RAB7A: variants seen among roughly 807,000 people sequenced by gnomAD.
RAB7A encodes the protein ras-related protein Rab-7a.
Under a neutral mutation model 24.5 loss-of-function variants are expected in RAB7A, and 2 were observed. That is an observed-to-expected ratio of 0.08 (90% CI 0.03 to 0.26). The LOEUF (loss-of-function observed/expected upper bound fraction) is 0.26. RAB7A is among the 10% of genes least tolerant of loss of function. The pLI is 1.00. For missense variants in RAB7A, 118 were observed against 255.7 expected, an observed-to-expected ratio of 0.46 and a Z score of 3.67; for synonymous variants, 100 against 95.9, an observed-to-expected ratio of 1.04 and a Z score of -0.25.
At position 128,760,495 on chromosome 3, in the gene RAB7A, C is replaced by T. The variant is rs536619672; in HGVS notation, c.-9+34136C>T. ...TATCTTGGAGGATTCTTATATTGAT[C>T]CTTCCCATATCTCTGTTTCAGAAAC... On this transcript the variant is annotated intron_variant, in intron 1 of 5. Transcript: ENST00000265062. Among the ~76,000 whole-genome samples the T allele has an allele frequency of 2.6e-5, 4 of 152,270 alleles. No individual in the cohort carries two copies. In the East Asian group the frequency reaches 7.7e-4, roughly 29 times the overall value.
intron 1 of RAB7A, among the ~76,000 whole-genome samples, chr3:128,747,394 C>G (rs2070628804): frequency 6.6e-6 from 1 of 151,644 alleles, no homozygotes; most frequent in African/African-American, 2.4e-5. Flanking sequence ...CAAGACCAGC[C>G]TGACCAACAT....
intron 1 of RAB7A, among the ~76,000 whole-genome samples, chr3:128,775,489 CTG>C (rs1362114305): frequency 7.0e-6 from 1 of 143,230 alleles, no homozygotes; most frequent in African/African-American, 2.4e-5. Context: ...TTTGAGAACT[CTG>C]GGGCTTGTAT....
chr3:128,746,178 C>T (rs2070612584), intron 1 of RAB7A, among the ~76,000 whole-genome samples: 1 of 152,184 alleles, frequency 6.6e-6, no homozygotes, highest in African/African-American at 2.4e-5. Context: ...GATAAACAAC[C>T]CTCCATTATT....
At chr3:128,786,387 C>T (rs572649093) in intron 1 of RAB7A, among the ~76,000 whole-genome samples, 2 of 152,012 alleles carry the variant, frequency 1.3e-5, no homozygotes, top group African/African-American at 4.8e-5. Context: ...ACTTTCGATG[C>T]CTTTCTGGTC....
chr3:128,814,308 C>A lies in RAB7A; in HGVS notation c.*886C>A, dbSNP rs1293315622. 6.5e-6 allele frequency: 1 copy of A among 152,724 alleles called. No individual in the cohort carries two copies. Among genetic ancestry groups the A allele is most frequent in the Non-Finnish European group, 1.5e-5 (1 of 68,062 alleles). The allele number at this position is 152,724 out of a possible 1,614,324, so 9.5% of individuals were successfully genotyped here. On this transcript the variant is annotated 3_prime_UTR_variant, in exon 6 of 6. Transcript: ENST00000265062. ...CTCCAGGGGGAAAACTGTCTAGTTC[C>A]CTTCTGTGTCTAAATTTTCCAAAAC...
At chr3:128,745,233 G>T (rs1383218980) in intron 1 of RAB7A, among the ~76,000 whole-genome samples, 2 of 152,116 alleles carry the variant, frequency 1.3e-5, no homozygotes, top group Admixed American at 1.3e-4. Context: ...TCTACCTGTT[G>T]CCTAAACTAG....
At chr3:128,738,728 T>C (rs2070517794) in intron 1 of RAB7A, among the ~76,000 whole-genome samples, 1 of 152,246 alleles carries the variant, frequency 6.6e-6, no homozygotes, top group Non-Finnish European at 1.5e-5. Context: ...TTTACCTGTT[T>C]TTCCCCAAAT....
At chr3:128,765,073 G>GCT in intron 1 of RAB7A, 1 of 994,852 alleles carries the variant, frequency 1.0e-6, no homozygotes. Context: ...AGCGGCGGCG[G>GCT]GGGCCTTGGG....
At chr3:128,792,020 A>G (rs911388316) in intron 1 of RAB7A, among the ~76,000 whole-genome samples, 3 of 152,170 alleles carry the variant, frequency 2.0e-5, no homozygotes, top group African/African-American at 7.2e-5. Flanking sequence ...TATCTCAAGG[A>G]AGTAATCCCA....
intron 1 of RAB7A, among the ~76,000 whole-genome samples, chr3:128,768,218 A>T (rs1411877135): frequency 6.6e-6 from 1 of 152,094 alleles, no homozygotes; most frequent in Non-Finnish European, 1.5e-5. Context: ...ATCTGGCCTC[A>T]TTCGACATTA....
Position 128,796,635 on chromosome 3 carries a change from C to A in RAB7A, c.53+1215C>A, listed in dbSNP as rs1559794993. Among the ~76,000 whole-genome samples the A allele has an allele frequency of 3.9e-5, 6 of 152,280 alleles. No individual in the cohort carries two copies. The South Asian group carries it at 1.2e-3, about 32-fold the overall frequency. ...AAAGCCAGAGGTTTTTCTGTCTTGACTGGCTTATTTGAATCACCTGCAGAA... is the reference window on the plus strand; with the variant it reads ...AAAGCCAGAGGTTTTTCTGTCTTGAATGGCTTATTTGAATCACCTGCAGAA... On this transcript the variant is annotated intron_variant, in intron 2 of 5. Coordinates refer to ENST00000265062, the MANE Select transcript of RAB7A (RefSeq NM_004637.6).
rs147244704 is a variant in RAB7A at position 128,813,651 on chromosome 3, C to G, written c.*229C>G. ...ACGTAATCAAACTCCAGCCCTTGCC[C>G]GTGATGGCTCCTTGGGGTCTGCCTG... On this transcript the variant is annotated 3_prime_UTR_variant, in exon 6 of 6. Coordinates refer to ENST00000265062, the MANE Select transcript of RAB7A (RefSeq NM_004637.6). The G allele has an allele frequency of 7.1e-6, 4 of 564,308 alleles. No individual in the cohort carries two copies. Among genetic ancestry groups the G allele is most frequent in the Admixed American group, 2.5e-5 (1 of 39,962 alleles). 35.0% of individuals were successfully genotyped at this position (564,308 alleles called of 1,614,324 possible).
chr3:128,728,642 A>G, intron 1 of RAB7A, among the ~76,000 whole-genome samples: 1 of 152,014 alleles, frequency 6.6e-6, no homozygotes, highest in East Asian at 1.9e-4. Flanking sequence ...TTGTATTTTT[A>G]GTAGAGACAG....
At chr3:128,743,123 G>C (rs1415177140) in intron 1 of RAB7A, among the ~76,000 whole-genome samples, 2 of 152,230 alleles carry the variant, frequency 1.3e-5, no homozygotes, top group Non-Finnish European at 2.9e-5. Flanking sequence ...TGGGCTGGCG[G>C]TGCTGGGGGA....
At chr3:128,751,819 CG>C (rs1286579427) in intron 1 of RAB7A, among the ~76,000 whole-genome samples, 1 of 152,136 alleles carries the variant, frequency 6.6e-6, no homozygotes, top group Non-Finnish European at 1.5e-5. Flanking sequence ...GAATTCCCAT[CG>C]GTTATGGGAG....
intron 1 of RAB7A, among the ~76,000 whole-genome samples, chr3:128,752,329 A>G (rs776740657): frequency 3.3e-5 from 5 of 152,200 alleles, no homozygotes; most frequent in Non-Finnish European, 7.3e-5. Context: ...GAGAAAAACA[A>G]CAAAGGAAGT....
At chr3:128,740,800 G>T (rs2070544655) in intron 1 of RAB7A, among the ~76,000 whole-genome samples, 1 of 146,910 alleles carries the variant, frequency 6.8e-6, no homozygotes, top group Non-Finnish European at 1.5e-5. Context: ...CTACTTGGGA[G>T]ATTCAGGGGA....
At chr3:128,749,213 T>C (rs2070651395) in intron 1 of RAB7A, 3 of 152,294 alleles carry the variant, frequency 2.0e-5, no homozygotes, top group Admixed American at 2.0e-4. Context: ...CTCTAGGATG[T>C]AGTCAAATAG....
At position 128,760,732 on chromosome 3, in the gene RAB7A, G is replaced by A. The variant is rs370509728; in HGVS notation, c.-9+34373G>A. On this transcript the variant is annotated intron_variant, in intron 1 of 5. Transcript: ENST00000265062. Reference sequence around the variant, plus strand: ...GGCTAGCAAGAGCTGCAGAAAAACAGCCTCTAGCTTAAACTGAGTTATAAA... The same window carrying A: ...GGCTAGCAAGAGCTGCAGAAAAACAACCTCTAGCTTAAACTGAGTTATAAA... Among the ~76,000 whole-genome samples the A allele has an allele frequency of 1.1e-4, 16 of 152,338 alleles. 1 individual carries two copies. Among genetic ancestry groups the A allele is most frequent in the Admixed American group, 3.3e-4 (5 of 15,302 alleles).
Sources: gnomAD v4.1 joint callset for allele counts (sites outside exome capture counted in the v4.1 genomes callset) on GRCh38, gnomAD v4.1.1 for gene constraint, MANE v1.5 for transcripts, NCBI Gene and HGNC (gene_info 2026-07-23, HGNC 2026-07-21) for gene names.